The following KIF3B variants were observed in gnomAD, a reference collection of about 807,000 sequenced individuals.
KIF3B encodes kinesin family member 3B.
KIF3B carries 38 observed loss-of-function variants against 74.3 expected under a neutral mutation model. The observed-to-expected ratio is 0.51, with a 90% CI of 0.39 to 0.67. The LOEUF (loss-of-function observed/expected upper bound fraction) is 0.67. Among genes scored for constraint, KIF3B ranks in the 30% least tolerant of loss-of-function variants. KIF3B has a pLI of 0.00. For missense variants in KIF3B, 649 were observed against 932.0 expected (o/e 0.70, Z 3.95); for synonymous variants, 326 against 342.5 (o/e 0.95, Z 0.53).
chr20:32,299,403 AT>A (rs11473044), intron 1 of KIF3B, among the ~76,000 whole-genome samples: 11 of 9,024 alleles, frequency 1.2e-3, no homozygotes, highest in Non-Finnish European at 1.7e-3. Context: ...ATATATATAT[AT>A]TTTTTTTTTT....
intron 1 of KIF3B, among the ~76,000 whole-genome samples, chr20:32,300,490 A>T (rs1056448194): frequency 6.6e-6 from 1 of 152,120 alleles, no homozygotes. Flanking sequence ...CGCGTTAGCC[A>T]CAATAGTCTC....
At chr20:32,277,799 G>A (rs925034531) in intron 1 of KIF3B, 34 bp downstream of exon 1, 8 of 202,922 alleles carry the variant, frequency 3.9e-5, no homozygotes, top group South Asian at 1.6e-4. Flanking sequence ...CACCGAGCAG[G>A]GCTAATCCTG....
chr20:32,290,700 G>A (rs1423814664), intron 1 of KIF3B, among the ~76,000 whole-genome samples: 1 of 151,968 alleles, frequency 6.6e-6, no homozygotes, highest in Non-Finnish European at 1.5e-5. Flanking sequence ...GTGAGACCTT[G>A]TTTCTATAAC....
chr20:32,331,628 C>T lies in KIF3B; in HGVS notation c.*309C>T, dbSNP rs2047930713. ...TTCCTTCCCCCTTGCCTTCTTCTCCCCCTTCCCCTGTGCTCCCTTTCTCTC... is the reference window on the plus strand; with the variant it reads ...TTCCTTCCCCCTTGCCTTCTTCTCCTCCTTCCCCTGTGCTCCCTTTCTCTC... On this transcript the variant is annotated 3_prime_UTR_variant, in exon 9 of 9. Coordinates refer to ENST00000375712, the MANE Select transcript of KIF3B (RefSeq NM_004798.4). 1 of 357,078 alleles carries T rather than the reference C, an allele frequency of 2.8e-6. No individual in the cohort carries two copies. Among genetic ancestry groups the T allele is most frequent in the Non-Finnish European group, 5.0e-6 (1 of 198,422 alleles). The allele number at this position is 357,078 out of a possible 1,614,324, so 22.1% of individuals were successfully genotyped here. A position where few individuals can be genotyped will look rare whatever the true frequency, so the allele number is the denominator to read the frequency against.
At chr20:32,330,120 G>T (rs749345451) in intron 7 of KIF3B, 21 bp from the exon 8 acceptor site, 1 of 1,605,368 alleles carries the variant, frequency 6.2e-7, no homozygotes, top group Non-Finnish European at 8.5e-7. Context: ...AACCTAGCTG[G>T]TGATGGCTGT....
At chr20:32,323,187 T>C (rs1343265058) in intron 5 of KIF3B, among the ~76,000 whole-genome samples, 34 of 132,060 alleles carry the variant, frequency 2.6e-4, no homozygotes, top group Middle Eastern at 3.6e-3. Context: ...TATTTATATA[T>C]ATTTATATTT....
intron 1 of KIF3B, among the ~76,000 whole-genome samples, chr20:32,303,744 A>G (rs1175740588): frequency 6.6e-6 from 1 of 151,178 alleles, no homozygotes; most frequent in Non-Finnish European, 1.5e-5. Context: ...AATCCCAGCT[A>G]TTCGGGAGGC....
chr20:32,279,082 T>C (rs1350695442), intron 1 of KIF3B, among the ~76,000 whole-genome samples: 1 of 151,586 alleles, frequency 6.6e-6, no homozygotes. Context: ...CACCACCTCG[T>C]CCACTAATTT....
At chr20:32,285,113 A>AAC (rs1184039850) in intron 1 of KIF3B, among the ~76,000 whole-genome samples, 1 of 152,054 alleles carries the variant, frequency 6.6e-6, no homozygotes, top group East Asian at 1.9e-4. Context: ...AAAAAAAAAA[A>AAC]AAACAGTGAC....
Position 32,334,008 on chromosome 20 carries a change from C to G in KIF3B, c.*2689C>G, listed in dbSNP as rs2047943628. 1 of 152,612 alleles carries G rather than the reference C, an allele frequency of 6.6e-6. No homozygotes were observed. Among genetic ancestry groups the G allele is most frequent in the Admixed American group, 6.6e-5 (1 of 15,264 alleles). 9.5% of individuals were successfully genotyped at this position (152,612 alleles called of 1,614,324 possible). On this transcript the variant is annotated 3_prime_UTR_variant, in exon 9 of 9. Coordinates refer to ENST00000375712, the MANE Select transcript of KIF3B (RefSeq NM_004798.4). ...TTGAGCCAAATATGTAGAGGACCTA[C>G]CAAGCCCACTGAGGGACTAGGTTTT...
chr20:32,317,629 A>ATG (rs1310901053), intron 5 of KIF3B, among the ~76,000 whole-genome samples: 5 of 150,970 alleles, frequency 3.3e-5, no homozygotes, highest in Admixed American at 1.3e-4. Flanking sequence ...ATATATATAT[A>ATG]TGATCACAGT....
intron 5 of KIF3B, among the ~76,000 whole-genome samples, chr20:32,320,527 T>C (rs2047855185): frequency 6.6e-6 from 1 of 151,398 alleles, no homozygotes; most frequent in South Asian, 2.1e-4. Flanking sequence ...TTAGTTTTTT[T>C]TTTTTTTTAG....
At chr20:32,288,485 T>G (rs1162726387) in intron 1 of KIF3B, among the ~76,000 whole-genome samples, 1 of 152,170 alleles carries the variant, frequency 6.6e-6, no homozygotes, top group African/African-American at 2.4e-5. Context: ...AGATCCTGTC[T>G]CCAAACAAAC....
intron 5 of KIF3B, among the ~76,000 whole-genome samples, chr20:32,321,288 G>A (rs1348967834): frequency 1.3e-5 from 2 of 152,138 alleles, no homozygotes; most frequent in South Asian, 2.1e-4. Context: ...AATTAGCCAG[G>A]TGTGGTGGTG....
chr20:32,309,999 T>C lies in KIF3B; in HGVS notation c.222T>C (p.Asp74=). The change falls in exon 2 of 9, where the codon GAT becomes GAC. Residue 74 remains aspartate (D), a synonymous_variant. Transcript: ENST00000375712. ...DWNAKQFELY[D]ETFRPLVDSV... ...ATGCCAAGCAGTTTGAACTGTACGA[T>C]GAGACGTTCCGACCACTTGTTGACT... 6.2e-7 allele frequency: 1 copy of C among 1,614,180 alleles called. No individual in the cohort carries two copies. The highest frequency in any genetic ancestry group is 8.5e-7 in the Non-Finnish European group (1 of 1,180,034).
chr20:32,287,162 C>G (rs1008124963), intron 1 of KIF3B, among the ~76,000 whole-genome samples: 1 of 152,034 alleles, frequency 6.6e-6, no homozygotes, highest in Non-Finnish European at 1.5e-5. Flanking sequence ...TATTTTTGTA[C>G]TTATTTATTT....
chr20:32,293,974 T>C (rs2047705024), intron 1 of KIF3B, among the ~76,000 whole-genome samples: 1 of 152,178 alleles, frequency 6.6e-6, no homozygotes, highest in Non-Finnish European at 1.5e-5. Flanking sequence ...GGCAAATTAA[T>C]TTCCCTGAGT....
intron 8 of KIF3B, 61 bp downstream of exon 8, chr20:32,330,380 C>A: frequency 6.9e-7 from 1 of 1,452,274 alleles, no homozygotes; most frequent in Non-Finnish European, 9.5e-7. Context: ...CAAACCAAAG[C>A]AAGAATGCTT....
At chr20:32,314,831 T>A (rs1333285046) in intron 2 of KIF3B, among the ~76,000 whole-genome samples, 3 of 151,970 alleles carry the variant, frequency 2.0e-5, no homozygotes, top group Non-Finnish European at 1.5e-5. Context: ...TCCAGGCCCA[T>A]TGTATGTCTA....
Sources: gnomAD v4.1 joint callset for allele counts (sites outside exome capture counted in the v4.1 genomes callset) on GRCh38, gnomAD v4.1.1 for gene constraint, MANE v1.5 for transcripts, NCBI Gene and HGNC (gene_info 2026-07-23, HGNC 2026-07-21) for gene names.